Variants in JARID2 observed in about 807,000 individuals in gnomAD.
JARID2 encodes the protein protein Jumonji.
Under a neutral mutation model 125.6 loss-of-function variants are expected in JARID2, and 21 were observed. That is an observed-to-expected ratio of 0.17 (90% CI 0.12 to 0.24). The LOEUF is 0.24. Among genes scored for constraint, JARID2 ranks in the 10% least tolerant of loss-of-function variants. JARID2 has a pLI of 1.00. For missense variants in JARID2, 1,303 were observed against 1,639.6 expected (o/e 0.79, Z 3.55); for synonymous variants, 736 against 661.6 (o/e 1.11, Z -1.73).
intron 5 of JARID2, among the ~76,000 whole-genome samples, chr6:15,475,725 C>G (rs1769307970): frequency 6.6e-6 from 1 of 152,184 alleles, no homozygotes; most frequent in Non-Finnish European, 1.5e-5. Context: ...ATGGAAAGAA[C>G]GGTTTGGATA....
chr6:15,435,948 T>A (rs566988600), intron 3 of JARID2, among the ~76,000 whole-genome samples: 1 of 152,024 alleles, frequency 6.6e-6, no homozygotes, highest in Non-Finnish European at 1.5e-5. Context: ...GGTTTTCTTG[T>A]CCCCCTCTCA....
Position 15,324,849 on chromosome 6 carries a change from T to TA in JARID2, c.46-49254dup, listed in dbSNP as rs376782627. Among the ~76,000 whole-genome samples the TA allele has an allele frequency of 5.6e-3, 789 of 139,878 alleles. 6 individuals are homozygous for TA. Among genetic ancestry groups the TA allele is most frequent in the East Asian group, 0.033 (162 of 4,908 alleles). The allele number at this position is 139,878 out of a possible 152,430, so 91.8% of individuals were successfully genotyped here. On this transcript the variant is annotated intron_variant, in intron 1 of 17. Transcript: ENST00000341776. ...TACGGGTCAGAGGTGGTTTTGTTAT[T>TA]AAAAAAAAAAAAAAGAAAAGAATGT...
Position 15,402,837 on chromosome 6 carries a change from TGTC to T in JARID2, c.182-7386_182-7384del, listed in dbSNP as rs545996340. 2.0e-5 allele frequency among the ~76,000 whole-genome samples: 3 copies of T among 152,214 alleles called. No homozygotes were observed. The South Asian group carries it at 6.2e-4, about 32-fold the overall frequency. On this transcript the variant is annotated intron_variant, in intron 2 of 17. Coordinates refer to ENST00000341776, the MANE Select transcript of JARID2 (RefSeq NM_004973.4). ...TTTTGGTGCGTATTTATAACTGGGT[TGTC>T]TGGTGGGTGTGTGTTTGACTGGGTT... is the stretch of plus-strand genomic sequence containing the variant.
chr6:15,393,091 G>A (rs1581496932), intron 2 of JARID2, among the ~76,000 whole-genome samples: 1 of 152,184 alleles, frequency 6.6e-6, no homozygotes, highest in East Asian at 1.9e-4. Flanking sequence ...TGAAATGGTG[G>A]TGAAATTCTT....
Position 15,435,699 on chromosome 6 carries a change from T to C in JARID2, c.324-16307T>C, listed in dbSNP as rs181671487. On this transcript the variant is annotated intron_variant, in intron 3 of 17. Transcript: ENST00000341776. The stretch of plus-strand genomic sequence containing the variant: ...TTCCTGGAAATGACTCATGATGCCA[T>C]GCTTTGCTACATTTTATTTTTTTAA... Among the ~76,000 whole-genome samples the C allele has an allele frequency of 3.8e-3, 579 of 152,338 alleles. 4 individuals are homozygous for C. The highest frequency in any genetic ancestry group is 0.013 in the African/African-American group (560 of 41,562).
chr6:15,413,051 C>T (rs762906798), intron 3 of JARID2, among the ~76,000 whole-genome samples: 106 of 94,540 alleles, frequency 1.1e-3, no homozygotes, highest in Non-Finnish European at 1.7e-3. Flanking sequence ...CTGAGTTTCG[C>T]CTTTGTTGCC....
intron 9 of JARID2, among the ~76,000 whole-genome samples, chr6:15,506,460 C>T (rs564984367): frequency 1.8e-4 from 28 of 152,266 alleles, no homozygotes; most frequent in African/African-American, 6.5e-4. Flanking sequence ...CTTAACTGGA[C>T]CCTATGATGC....
At chr6:15,461,269 G>C (rs1306943843) in intron 4 of JARID2, among the ~76,000 whole-genome samples, 1 of 152,226 alleles carries the variant, frequency 6.6e-6, no homozygotes, top group Non-Finnish European at 1.5e-5. Flanking sequence ...GGGAATAGGA[G>C]ATTGGGAGGG....
chr6:15,347,630 TA>T (rs376313384), intron 1 of JARID2, among the ~76,000 whole-genome samples: 3 of 152,346 alleles, frequency 2.0e-5, no homozygotes, highest in South Asian at 4.1e-4. Context: ...AATGACTTTT[TA>T]AAAAGTAGAA....
At chr6:15,475,870 C>T (rs1434494292) in intron 5 of JARID2, among the ~76,000 whole-genome samples, 2 of 152,122 alleles carry the variant, frequency 1.3e-5, no homozygotes, top group Non-Finnish European at 2.9e-5. Flanking sequence ...GTGAAGAAGG[C>T]ACAGGTCTTA....
intron 1 of JARID2, chr6:15,248,868 G>C: frequency 1.0e-6 from 1 of 979,738 alleles, no homozygotes. Context: ...CGGGGGCGGG[G>C]GCTGCCGCAG....
At chr6:15,390,611 A>G (rs1414741483) in intron 2 of JARID2, among the ~76,000 whole-genome samples, 1 of 152,170 alleles carries the variant, frequency 6.6e-6, no homozygotes, top group African/African-American at 2.4e-5. Flanking sequence ...TTGTGGGGGT[A>G]GGCAGTTGTT....
chr6:15,256,377 G>T (rs565737973), intron 1 of JARID2, among the ~76,000 whole-genome samples: 23 of 152,158 alleles, frequency 1.5e-4, no homozygotes, highest in Admixed American at 2.6e-4. Context: ...ACACCTGGAT[G>T]GTGAATTGGA....
chr6:15,400,837 G>A (rs982276886), intron 2 of JARID2: 10 of 1,281,142 alleles, frequency 7.8e-6, no homozygotes, highest in Admixed American at 2.3e-5. Context: ...TGCTTATTAC[G>A]TACAGGGGAG....
chr6:15,297,592 C>T (rs1196596586), intron 1 of JARID2, among the ~76,000 whole-genome samples: 1 of 151,976 alleles, frequency 6.6e-6, no homozygotes, highest in Non-Finnish European at 1.5e-5. Flanking sequence ...CCTCCTGCCT[C>T]AGCCTCCCAA....
intron 1 of JARID2, among the ~76,000 whole-genome samples, chr6:15,270,289 C>T (rs942186404): frequency 6.6e-6 from 1 of 152,182 alleles, no homozygotes; most frequent in Non-Finnish European, 1.5e-5. Flanking sequence ...TTTGCCACCA[C>T]ACCTGGCTAA....
chr6:15,498,644 G>C (rs982435061), intron 7 of JARID2, among the ~76,000 whole-genome samples: 2 of 152,264 alleles, frequency 1.3e-5, no homozygotes, highest in Non-Finnish European at 2.9e-5. Flanking sequence ...TTGGCAGCAA[G>C]ATAGGCTTCC....
At chr6:15,246,674 G>A in intron 1 of JARID2, 90 bp downstream of exon 1, 1 of 1,151,860 alleles carries the variant, frequency 8.7e-7, no homozygotes, top group Non-Finnish European at 1.3e-6. Flanking sequence ...CCTCTGAAGG[G>A]TTTTAAACAC....
intron 1 of JARID2, among the ~76,000 whole-genome samples, chr6:15,360,396 G>C (rs1447334663): frequency 1.3e-5 from 2 of 152,022 alleles, no homozygotes; most frequent in African/African-American, 4.8e-5. Flanking sequence ...TGTTGGCCTG[G>C]CTGGTCTTCA....
Sources: gnomAD v4.1 joint callset for allele counts (sites outside exome capture counted in the v4.1 genomes callset) on GRCh38, gnomAD v4.1.1 for gene constraint, MANE v1.5 for transcripts, NCBI Gene and HGNC (gene_info 2026-07-23, HGNC 2026-07-21) for gene names.